Variants in LUZP2 observed in about 807,000 individuals in gnomAD.
LUZP2 encodes leucine zipper protein 2.
LUZP2 carries 52 observed loss-of-function variants against 51.6 expected under a neutral mutation model. That is an observed-to-expected ratio of 1.01 (90% CI 0.81 to 1.27). The LOEUF is 1.27. Ranked by LOEUF, LUZP2 falls within the 50% of genes most tolerant of loss-of-function variation. The pLI is 0.00. For missense variants in LUZP2, 436 were observed against 395.4 expected, an observed-to-expected ratio of 1.10 and a Z score of -0.87; for synonymous variants, 154 against 137.3, an observed-to-expected ratio of 1.12 and a Z score of -0.85.
chr11:25,062,679 A>G (rs1022696338), intron 10 of LUZP2, among the ~76,000 whole-genome samples: 2 of 150,734 alleles, frequency 1.3e-5, no homozygotes, highest in Admixed American at 6.6e-5. Flanking sequence ...TCCGTCTCCA[A>G]CTTTATCATT....
rs1049004421 is a variant in LUZP2 at position 24,891,646 on chromosome 11, T to C, written c.397-14345T>C. ...TGATAAGTCCTATGTGTCCTATCTA[T>C]CTCGACAGAATTCTATCAGGAATAA... is the stretch of plus-strand genomic sequence containing the variant. On this transcript the variant is annotated intron_variant, in intron 5 of 11. Transcript: ENST00000336930. The C allele has an allele frequency of 8.2e-5, 61 of 740,680 alleles. No homozygotes were observed. The African/African-American group carries it at 1.1e-3, about 14-fold the overall frequency. The allele number at this position is 740,680 out of a possible 1,614,324, so 45.9% of individuals were successfully genotyped here.
intron 1 of LUZP2, among the ~76,000 whole-genome samples, chr11:24,632,549 C>T (rs1223116252): frequency 1.3e-5 from 2 of 151,934 alleles, no homozygotes; most frequent in African/African-American, 4.8e-5. Context: ...AGGAATCCCA[C>T]GTGGCAACCA....
chr11:24,512,753 GT>G (rs752175146), intron 1 of LUZP2, among the ~76,000 whole-genome samples: 76 of 140,774 alleles, frequency 5.4e-4, no homozygotes, highest in African/African-American at 8.0e-4. Flanking sequence ...TTTTTTCTTT[GT>G]TTTTTTTTTT....
At chr11:24,708,238 C>T (rs1857675500) in intron 1 of LUZP2, among the ~76,000 whole-genome samples, 1 of 152,138 alleles carries the variant, frequency 6.6e-6, no homozygotes, top group South Asian at 2.1e-4. Context: ...AATATTCTTC[C>T]CTCAGCCTAC....
chr11:24,522,775 G>A (rs925937770), intron 1 of LUZP2, among the ~76,000 whole-genome samples: 9 of 151,964 alleles, frequency 5.9e-5, no homozygotes, highest in Non-Finnish European at 1.2e-4. Flanking sequence ...TTGGGGTATC[G>A]ATGATACTCA....
At chr11:24,974,107 C>G (rs1855821711) in intron 7 of LUZP2, among the ~76,000 whole-genome samples, 2 of 152,022 alleles carry the variant, frequency 1.3e-5, no homozygotes, top group Non-Finnish European at 2.9e-5. Flanking sequence ...CTTTAATAAT[C>G]TGGGTGCTCC....
intron 8 of LUZP2, among the ~76,000 whole-genome samples, chr11:24,982,202 A>C (rs1856053035): frequency 6.6e-6 from 1 of 151,926 alleles, no homozygotes; most frequent in African/African-American, 2.4e-5. Context: ...CAGTATGGCG[A>C]TTCCTCAAAG....
intron 5 of LUZP2, among the ~76,000 whole-genome samples, chr11:24,856,494 G>C (rs573047288): frequency 2.6e-5 from 4 of 152,148 alleles, no homozygotes; most frequent in African/African-American, 9.6e-5. Context: ...ATGTAAATTA[G>C]TATACCCTCT....
intron 1 of LUZP2, among the ~76,000 whole-genome samples, chr11:24,711,463 A>AAATT (rs1857822852): frequency 8.2e-6 from 1 of 122,154 alleles, no homozygotes; most frequent in Non-Finnish European, 1.9e-5. Context: ...ATAAATAAAT[A>AAATT]AATAAATAAA....
intron 1 of LUZP2, among the ~76,000 whole-genome samples, chr11:24,617,215 A>G (rs1590247674): frequency 6.8e-6 from 1 of 147,872 alleles, no homozygotes; most frequent in African/African-American, 2.5e-5. Flanking sequence ...ATGTTCACTG[A>G]TTTTTTTTTT....
At chr11:24,866,889 C>T (rs374018666) in intron 5 of LUZP2, among the ~76,000 whole-genome samples, 1 of 152,150 alleles carries the variant, frequency 6.6e-6, no homozygotes, top group Non-Finnish European at 1.5e-5. Flanking sequence ...AGAGAGCCAC[C>T]GTAACAGGAG....
intron 7 of LUZP2, among the ~76,000 whole-genome samples, chr11:24,941,594 T>C (rs944800892): frequency 2.0e-5 from 3 of 152,164 alleles, no homozygotes; most frequent in African/African-American, 7.2e-5. Flanking sequence ...CTAATGTAGA[T>C]AGTTAGAAAC....
intron 4 of LUZP2, among the ~76,000 whole-genome samples, chr11:24,757,553 G>C (rs1276454055): frequency 6.6e-6 from 1 of 151,840 alleles, no homozygotes; most frequent in East Asian, 1.9e-4. Context: ...CAAGAAGTTG[G>C]TTAAAAAGCA....
intron 6 of LUZP2, among the ~76,000 whole-genome samples, chr11:24,909,445 A>G (rs1853556087): frequency 2.0e-5 from 3 of 151,822 alleles, no homozygotes; most frequent in Admixed American, 6.6e-5. Flanking sequence ...CATGTGCACC[A>G]TATGTGGTAG....
At chr11:24,667,184 CTTT>C (rs199740839) in intron 1 of LUZP2, among the ~76,000 whole-genome samples, 3 of 132,042 alleles carry the variant, frequency 2.3e-5, no homozygotes, top group Admixed American at 7.9e-5. Flanking sequence ...TTCTTTTTTT[CTTT>C]TTTTTTTTTT....
chr11:24,848,908 A>G (rs960058783), intron 5 of LUZP2, among the ~76,000 whole-genome samples: 7 of 152,146 alleles, frequency 4.6e-5, no homozygotes, highest in Non-Finnish European at 2.9e-5. Context: ...GCATACCTCA[A>G]AAACTAGGCA....
chr11:24,801,168 A>C (rs968947752), intron 5 of LUZP2, among the ~76,000 whole-genome samples: 3 of 152,128 alleles, frequency 2.0e-5, no homozygotes, highest in African/African-American at 7.2e-5. Flanking sequence ...ATAACCCATC[A>C]CTTTAAAGAC....
intron 7 of LUZP2, among the ~76,000 whole-genome samples, chr11:24,920,929 C>T (rs1424387700): frequency 6.6e-6 from 1 of 152,086 alleles, no homozygotes; most frequent in Non-Finnish European, 1.5e-5. Context: ...TGCACTTACA[C>T]CCCTTAAATG....
At chr11:24,715,373 G>A (rs1364093901) in intron 1 of LUZP2, among the ~76,000 whole-genome samples, 1 of 149,996 alleles carries the variant, frequency 6.7e-6, no homozygotes, top group Non-Finnish European at 1.5e-5. Context: ...ATATTCTATA[G>A]GAAGTAATTC....
Sources: gnomAD v4.1 joint callset for allele counts (sites outside exome capture counted in the v4.1 genomes callset) on GRCh38, gnomAD v4.1.1 for gene constraint, MANE v1.5 for transcripts, NCBI Gene and HGNC (gene_info 2026-07-23, HGNC 2026-07-21) for gene names.